Variants in TENM3 observed in about 807,000 individuals in gnomAD.
The protein encoded by TENM3 is teneurin transmembrane protein 3.
TENM3 carries 63 observed loss-of-function variants against 255.1 expected under a neutral mutation model. That is an observed-to-expected ratio of 0.25 (90% CI 0.20 to 0.30). The LOEUF (loss-of-function observed/expected upper bound fraction) is 0.30. Among genes scored for constraint, TENM3 ranks in the 10% least tolerant of loss-of-function variants. The pLI, the probability that TENM3 is intolerant of heterozygous loss-of-function variation, is 1.00. For synonymous variants in TENM3, 1,306 were observed against 1,322.3 expected, an observed-to-expected ratio of 0.99 and a Z score of 0.27; for missense variants, 2,929 against 3,461.1, an observed-to-expected ratio of 0.85 and a Z score of 3.86.
the TENM3 span, among the ~76,000 whole-genome samples, chr4:181,826,074 A>T: frequency 6.6e-6 from 1 of 152,194 alleles, no homozygotes; most frequent in Admixed American, 6.5e-5. Flanking sequence ...TTATGTAAAC[A>T]TCCAGCACAA....
At chr4:182,246,320 C>T (rs1757640686) in intron 1 of TENM3, among the ~76,000 whole-genome samples, 1 of 152,010 alleles carries the variant, frequency 6.6e-6, no homozygotes, top group African/African-American at 2.4e-5. Flanking sequence ...AACAAAGCAG[C>T]GCTTATGAAT....
intron 24 of TENM3, among the ~76,000 whole-genome samples, chr4:182,784,156 T>A (rs1296845846): frequency 6.6e-6 from 1 of 152,204 alleles, no homozygotes; most frequent in Non-Finnish European, 1.5e-5. Flanking sequence ...CCAGTTTTTC[T>A]GTTCTGTTTT....
intron 3 of TENM3, among the ~76,000 whole-genome samples, chr4:182,503,038 A>G (rs1178790411): frequency 6.7e-6 from 1 of 150,144 alleles, no homozygotes; most frequent in Non-Finnish European, 1.5e-5. Flanking sequence ...TAGACAATCC[A>G]TCTGCTAATG....
chr4:181,605,558 GAAAGAAAGAA>G, the TENM3 span, among the ~76,000 whole-genome samples: 1,044 of 28,592 alleles, frequency 0.037, 167 homozygotes, highest in Admixed American at 0.082. Context: ...AAGAAAGAAA[GAAAGAAAGAA>G]AGAGAGAGAA....
chr4:181,569,242 G>T, the TENM3 span, among the ~76,000 whole-genome samples: 1 of 152,172 alleles, frequency 6.6e-6, no homozygotes, highest in African/African-American at 2.4e-5. Context: ...CTGGTCCTCC[G>T]AGGTGAGAAC....
At chr4:181,783,398 A>T in the TENM3 span, among the ~76,000 whole-genome samples, 2 of 151,878 alleles carry the variant, frequency 1.3e-5, no homozygotes, top group Admixed American at 1.3e-4. Flanking sequence ...TACTCTGCCA[A>T]TTCTGGTGAC....
the TENM3 span, among the ~76,000 whole-genome samples, chr4:182,014,160 A>T: frequency 6.8e-6 from 1 of 147,706 alleles, no homozygotes; most frequent in Non-Finnish European, 1.5e-5. Context: ...TTATATATAT[A>T]CATATATATA....
At chr4:181,577,535 TCTGCTCA>T in the TENM3 span, among the ~76,000 whole-genome samples, 1 of 152,142 alleles carries the variant, frequency 6.6e-6, no homozygotes, top group Non-Finnish European at 1.5e-5. Context: ...CAACATTATC[TCTGCTCA>T]CTCCTCCTAG....
the TENM3 span, among the ~76,000 whole-genome samples, chr4:181,577,084 A>G: frequency 8.3e-6 from 1 of 120,882 alleles, no homozygotes. Context: ...ATAATATATA[A>G]TATATAATAT....
the TENM3 span, among the ~76,000 whole-genome samples, chr4:181,755,787 G>C: frequency 6.6e-6 from 1 of 152,082 alleles, no homozygotes; most frequent in African/African-American, 2.4e-5. Context: ...CTATGTGTTT[G>C]TAAGAGTAAA....
chr4:181,854,455 C>T, the TENM3 span, among the ~76,000 whole-genome samples: 7 of 152,168 alleles, frequency 4.6e-5, no homozygotes, highest in Admixed American at 6.5e-5. Context: ...TGCCAAACTA[C>T]GGTATCTTTC....
In TENM3 at chr4:182,642,568, A is replaced by G. The variant is rs1474064910; in HGVS notation, c.989-11203A>G. The stretch of plus-strand genomic sequence containing the variant: ...TGTGTTCCCATCAAGGCATTTTGAT[A>G]GCCAATATGATTCTTTTTTCCCATT... On this transcript the variant is annotated intron_variant, in intron 5 of 27. Coordinates refer to ENST00000511685, the MANE Select transcript of TENM3 (RefSeq NM_001080477.4). Among the ~76,000 whole-genome samples the G allele has an allele frequency of 3.9e-5, 6 of 152,368 alleles. No individual in the cohort carries two copies. In the East Asian group the frequency reaches 1.2e-3, roughly 29 times the overall value.
At chr4:182,262,103 A>G (rs916359850) in intron 1 of TENM3, among the ~76,000 whole-genome samples, 5 of 152,240 alleles carry the variant, frequency 3.3e-5, no homozygotes, top group Admixed American at 3.3e-4. Context: ...GATGTGTGTG[A>G]AGATAAATAA....
chr4:181,722,732 C>A, the TENM3 span, among the ~76,000 whole-genome samples: 1 of 152,122 alleles, frequency 6.6e-6, no homozygotes, highest in African/African-American at 2.4e-5. Context: ...AGTGTGGATA[C>A]AATCTGTCTC....
the TENM3 span, among the ~76,000 whole-genome samples, chr4:181,652,735 G>A: frequency 4.6e-5 from 7 of 152,156 alleles, no homozygotes; most frequent in African/African-American, 9.6e-5. Context: ...TTTCTGTTCC[G>A]CTAACCTTAA....
chr4:181,552,539 G>C, the TENM3 span, among the ~76,000 whole-genome samples: 3 of 152,164 alleles, frequency 2.0e-5, no homozygotes, highest in Admixed American at 2.0e-4. Context: ...ATAAAGTCCT[G>C]TCAACACTTG....
intron 5 of TENM3, among the ~76,000 whole-genome samples, chr4:182,651,527 A>AT (rs952147471): frequency 1.6e-4 from 25 of 151,970 alleles, no homozygotes; most frequent in African/African-American, 5.8e-4. Flanking sequence ...CCCGTCTGTA[A>AT]TAAAAAAAAA....
rs551769248 is a variant in TENM3 at position 182,184,876 on chromosome 4, A to C, written c.-76+40122A>C. On this transcript the variant is annotated intron_variant, in intron 1 of 2. Coordinates refer to the TENM3 transcript ENST00000512480. ...CCGAGGTGTATCACCTGAGGTCAGG[A>C]GTTCAAGATCAGCTTGGCCAACATG... 2.0e-5 allele frequency among the ~76,000 whole-genome samples: 3 copies of C among 152,214 alleles called. No homozygotes were observed. In the East Asian group the frequency reaches 5.8e-4, roughly 29 times the overall value.
rs541129535 is a variant in TENM3, at chr4:182,543,944, C to T, written c.512-56980C>T. 3.3e-5 allele frequency among the ~76,000 whole-genome samples: 5 copies of T among 152,026 alleles called. No homozygotes were observed. In the East Asian group the frequency reaches 9.7e-4, roughly 29 times the overall value. ...TGGATTAAATAGACGAAGGAGGTTGCCTTTTATTTTTATATTTAAGAACCA... is the reference window on the plus strand; with the variant it reads ...TGGATTAAATAGACGAAGGAGGTTGTCTTTTATTTTTATATTTAAGAACCA... On this transcript the variant is annotated intron_variant, in intron 3 of 27. Coordinates refer to ENST00000511685, the MANE Select transcript of TENM3 (RefSeq NM_001080477.4).
Sources: gnomAD v4.1 joint callset for allele counts (sites outside exome capture counted in the v4.1 genomes callset) on GRCh38, gnomAD v4.1.1 for gene constraint, MANE v1.5 for transcripts, NCBI Gene and HGNC (gene_info 2026-07-23, HGNC 2026-07-21) for gene names.